Variants in GSTA3 observed in about 807,000 individuals in gnomAD.
GSTA3 encodes the protein glutathione S-transferase A3.
In GSTA3, 16 loss-of-function variants were observed where a neutral mutation model predicts 23.1. The observed-to-expected ratio is 0.69, with a 90% confidence interval of 0.47 to 1.05. GSTA3 has a LOEUF of 1.05. Ranked by LOEUF, GSTA3 falls within the 50% of genes least tolerant of loss-of-function variation. GSTA3 has a pLI of 0.00. For synonymous variants in GSTA3, 122 were observed against 91.0 expected (o/e 1.34, Z -1.94); for missense variants, 319 against 263.6 (o/e 1.21, Z -1.46).
At chr6:52,905,412 C>T (rs1765857478) in intron 2 of GSTA3, among the ~76,000 whole-genome samples, 2 of 152,014 alleles carry the variant, frequency 1.3e-5, no homozygotes. Context: ...ATCTAACATT[C>T]AATCAATATT....
At chr6:52,898,623 C>T (rs1468512922) in intron 5 of GSTA3, among the ~76,000 whole-genome samples, 1 of 152,162 alleles carries the variant, frequency 6.6e-6, no homozygotes, top group Non-Finnish European at 1.5e-5. Flanking sequence ...TGTCTGCTTT[C>T]CTCATTTCCT....
At chr6:52,907,229 C>T (rs1290089150) in intron 1 of GSTA3, among the ~76,000 whole-genome samples, 3 of 113,580 alleles carry the variant, frequency 2.6e-5, no homozygotes, top group Non-Finnish European at 5.0e-5. Flanking sequence ...AAAATGCTCA[C>T]CATCACTGGC....
rs577075882 is a variant in GSTA3 at position 52,906,249 on chromosome 6, T to C, written c.-21-394A>G. Among the ~76,000 whole-genome samples the C allele has an allele frequency of 2.0e-5, 3 of 152,310 alleles. No individual in the cohort carries two copies. The East Asian group carries it at 5.8e-4, about 29-fold the overall frequency. On this transcript the variant is annotated intron_variant, in intron 1 of 6. Transcript: ENST00000211122. ...GAGCTAGAAGGGATCTAGCTAGCCC[T>C]TCCTCCAGGTTTGTAATGAATATGT... is the stretch of plus-strand genomic sequence containing the variant.
At chr6:52,901,105 T>A (rs1229745581) in intron 4 of GSTA3, among the ~76,000 whole-genome samples, 1 of 152,244 alleles carries the variant, frequency 6.6e-6, no homozygotes, top group Non-Finnish European at 1.5e-5. Context: ...CAGTACTTTT[T>A]AAAACAACAG....
chr6:52,905,623 TG>T (rs2127363207), intron 2 of GSTA3, 124 bp downstream of exon 2: 2 of 540,132 alleles, frequency 3.7e-6, no homozygotes, highest in Non-Finnish European at 6.6e-6. Context: ...AAAAAATAAC[TG>T]GGGATGCTTT....
chr6:52,899,663 G>A (rs770449377), intron 5 of GSTA3, among the ~76,000 whole-genome samples: 12 of 152,184 alleles, frequency 7.9e-5, no homozygotes, highest in Non-Finnish European at 1.6e-4. Flanking sequence ...CACAGCCCAT[G>A]TTCTACTTAT....
intron 4 of GSTA3, among the ~76,000 whole-genome samples, 189 bp from the exon 5 acceptor site, chr6:52,900,264 C>CTTTTTT (rs368457261): frequency 6.0e-5 from 8 of 133,442 alleles, no homozygotes; most frequent in East Asian, 2.1e-4. Flanking sequence ...CTTTCTTTTT[C>CTTTTTT]TTTTTTTTTT....
rs773432450 is a variant in GSTA3 at position 52,899,939 on chromosome 6, C to T, written c.409G>A (p.Glu137Lys). The T allele has an allele frequency of 1.5e-5, 25 of 1,613,398 alleles. No individual in the cohort carries two copies. Among genetic ancestry groups the T allele is most frequent in the South Asian group, 4.4e-5 (4 of 90,942 alleles). Reference sequence around the variant, plus strand: ...TGCTGAACAGCTTCACCTACTTTTTCGAAGGCAGGGAAATAGCGACTTTTT... The same window carrying T: ...TGCTGAACAGCTTCACCTACTTTTTTGAAGGCAGGGAAATAGCGACTTTTT... ...KTKSRYFPAF[E>K]KVLQSHGQDY... The change falls in exon 5 of 7, where the codon GAA (glutamate) becomes AAA (lysine). Residue 137 changes from glutamate to lysine, a missense_variant. Transcript: ENST00000211122.
chr6:52,902,810 C>A (rs2127359930), intron 3 of GSTA3, among the ~76,000 whole-genome samples: 1 of 152,230 alleles, frequency 6.6e-6, no homozygotes, highest in East Asian at 1.9e-4. Flanking sequence ...AGAGAGATGT[C>A]ACTTAAAATG....
In GSTA3 at chr6:52,900,044, A is replaced by C. The variant is rs1436778023; in HGVS notation, c.304T>G (p.Leu102Val). The change falls in exon 5 of 7, where the codon TTG becomes GTG. Residue 102 changes from leucine (L) to valine (V), a missense_variant. By Grantham distance (32) the Leu-to-Val change is conservative. Transcript: ENST00000211122. ...GGCAGAAGAAGGATCATTTCATTCA[A>C]ATCTGCCATACCTTCTGTATACATA... ...IDMYTEGMAD[L>V]NEMILLLPLC... 2 of 1,613,098 alleles carry C rather than the reference A, an allele frequency of 1.2e-6. No homozygotes were observed. The highest frequency in any genetic ancestry group is 1.7e-6 in the Non-Finnish European group (2 of 1,179,190).
chr6:52,908,218 G>T (rs533153353), intron 1 of GSTA3, among the ~76,000 whole-genome samples: 9 of 149,654 alleles, frequency 6.0e-5, no homozygotes, highest in African/African-American at 2.2e-4. Flanking sequence ...CAGTAGCATA[G>T]AGTAATTAAA....
chr6:52,907,303 C>T lies in GSTA3; in HGVS notation c.-21-1448G>A, dbSNP rs1376940688. ...ATCTCACACCAGTTAGAATGGCAAT[C>T]ATTAAAAAGTCAGGAAACAACAGGT... On this transcript the variant is annotated intron_variant, in intron 1 of 6. Transcript: ENST00000211122. Among the ~76,000 whole-genome samples the T allele has an allele frequency of 4.7e-3, 564 of 121,150 alleles. 7 individuals carry two copies. The highest frequency in any genetic ancestry group is 0.017 in the African/African-American group (461 of 27,208). 79.5% of individuals were successfully genotyped at this position (121,150 alleles called of 152,430 possible).
At chr6:52,904,351 G>A (rs1765817237) in intron 2 of GSTA3, among the ~76,000 whole-genome samples, 1 of 152,072 alleles carries the variant, frequency 6.6e-6, no homozygotes, top group Non-Finnish European at 1.5e-5. Context: ...GGGAGGGAAC[G>A]TCACTGGAGG....
intron 1 of GSTA3, among the ~76,000 whole-genome samples, chr6:52,906,082 T>C (rs1765881699): frequency 6.6e-6 from 1 of 152,234 alleles, no homozygotes; most frequent in Non-Finnish European, 1.5e-5. Flanking sequence ...TGTTTTCATT[T>C]ATTTATTTTT....
In GSTA3 at chr6:52,902,425, A is replaced by G. The variant is rs1765719549; in HGVS notation, c.193T>C (p.Leu65=). 1 of 1,613,850 alleles carries G rather than the reference A, an allele frequency of 6.2e-7. No homozygotes were observed. The highest frequency in any genetic ancestry group is 1.7e-5 in the Admixed American group (1 of 59,998). ...TTGAGAATGGCTCTGGTCTGTACCA[A>G]CTTCATCCCATCAATCTCAACCATT... ...VPMVEIDGMK[L]VQTRAILNYI... Residue 65 remains leucine, a synonymous_variant, in exon 4 of 7, where the codon TTG becomes CTG. Coordinates refer to ENST00000211122, the MANE Select transcript of GSTA3 (RefSeq NM_000847.5).
intron 1 of GSTA3, among the ~76,000 whole-genome samples, chr6:52,906,872 C>A (rs1765906717): frequency 6.6e-6 from 1 of 151,436 alleles, no homozygotes; most frequent in Non-Finnish European, 1.5e-5. Flanking sequence ...AGAAGAAAAC[C>A]TAGGCAATAC....
chr6:52,907,524 G>A (rs1351674542), intron 1 of GSTA3, among the ~76,000 whole-genome samples: 6 of 150,742 alleles, frequency 4.0e-5, no homozygotes, highest in African/African-American at 4.9e-5. Flanking sequence ...ACATGCACAC[G>A]TATGTTTATT....
intron 4 of GSTA3, 21 bp downstream of exon 4, chr6:52,902,325 A>G (rs377560395): frequency 5.2e-5 from 84 of 1,611,854 alleles, no homozygotes; most frequent in Non-Finnish European, 6.9e-5. Context: ...TGTGGATGGA[A>G]GAACACAAAA....
chr6:52,904,577 G>C (rs545663807), intron 2 of GSTA3, among the ~76,000 whole-genome samples: 1 of 152,142 alleles, frequency 6.6e-6, no homozygotes, highest in Admixed American at 6.5e-5. Context: ...GAAGGGGCGC[G>C]CTAGAAGTTC....
Sources: gnomAD v4.1 joint callset for allele counts (sites outside exome capture counted in the v4.1 genomes callset) on GRCh38, gnomAD v4.1.1 for gene constraint, MANE v1.5 for transcripts, NCBI Gene and HGNC (gene_info 2026-07-23, HGNC 2026-07-21) for gene names.